Variants in SBNO2 observed in about 807,000 individuals in gnomAD.
SBNO2 encodes the protein strawberry notch homolog 2.
SBNO2 carries 89 observed loss-of-function variants against 146.3 expected under a neutral mutation model. The observed-to-expected ratio is 0.61, with a 90% confidence interval of 0.51 to 0.73. The LOEUF (loss-of-function observed/expected upper bound fraction) is 0.73. SBNO2 is among the 30% of genes least tolerant of loss of function. The pLI, the probability that SBNO2 is intolerant of heterozygous loss-of-function variation, is 0.00. For synonymous variants in SBNO2, 1,147 were observed against 892.6 expected (o/e 1.29, Z -5.08); for missense variants, 2,092 against 2,003.7 (o/e 1.04, Z -0.84).
chr19:1,108,681 C>T lies in SBNO2; in HGVS notation c.3640G>A (p.Val1214Met), dbSNP rs1281052040. The part of the protein sequence containing the change: ...QVGIKIPEGC[V>M]RRVLQELRLM... The stretch of plus-strand genomic sequence containing the variant: ...CGCAGCTCCTGCAGCACCCGGCGCA[C>T]GCAGCCCTCGGGGATCTTGATGCCT... The change falls in exon 32 of 32, where the codon GTG becomes ATG. Residue 1214 changes from valine (V) to methionine (M), a missense_variant. By Grantham distance (21) the Val-to-Met change is conservative. Coordinates refer to ENST00000361757, the MANE Select transcript of SBNO2 (RefSeq NM_014963.3). 11 of 1,536,832 alleles carry T rather than the reference C, an allele frequency of 7.2e-6. No homozygotes were observed. Among genetic ancestry groups the T allele is most frequent in the Non-Finnish European group, 8.7e-6 (10 of 1,149,976 alleles).
At chr19:1,168,813 G>A (rs1005992074) in intron 1 of SBNO2, 2 of 152,234 alleles carry the variant, frequency 1.3e-5, no homozygotes, top group African/African-American at 4.8e-5. Flanking sequence ...TCCCCAGCAA[G>A]TGAGTCAGTT....
rs1291500781 is a variant in SBNO2, at chr19:1,144,092, G to A, written c.279+3217C>T. 2.0e-5 allele frequency among the ~76,000 whole-genome samples: 3 copies of A among 152,132 alleles called. No individual in the cohort carries two copies. The highest frequency in any genetic ancestry group is 2.1e-4 in the South Asian group (1 of 4,824). ...CAGGTCTGGGCTCCTTCCTGGCTCC[G>A]CAGAACCACGCGGCCCAGCCCACAG... On this transcript the variant is annotated intron_variant, in intron 4 of 31. Coordinates refer to ENST00000361757, the MANE Select transcript of SBNO2 (RefSeq NM_014963.3). The surrounding 1 kb of genome is among the most constrained non-coding windows in gnomAD (Gnocchi z 4.1).
rs2079884213 is a variant in SBNO2, at chr19:1,120,214, A to G, written c.1150-191T>C. 5.1e-6 allele frequency: 3 copies of G among 592,630 alleles called. No homozygotes were observed. The Admixed American group carries it at 8.7e-5, about 17-fold the overall frequency. 36.7% of individuals were successfully genotyped at this position (592,630 alleles called of 1,614,324 possible). On this transcript the variant is annotated intron_variant, in intron 11 of 31. Transcript: ENST00000361757. The stretch of plus-strand genomic sequence containing the variant: ...GGGCGGGCGGGCAGGCGGCCCCCAC[A>G]CGACCATTAGATGGGTGTGGCCTGG...
At chr19:1,128,339 A>ATGGGGATGACACACACACACAC (rs1230214358) in intron 4 of SBNO2, 10 of 362,736 alleles carry the variant, frequency 2.8e-5, no homozygotes, top group East Asian at 1.6e-4. Context: ...GGGGCTCGCC[A>ATGGGGATGACACACACACACAC]TGGGGATGAC....
chr19:1,113,760 C>T (rs2079797275), intron 18 of SBNO2, 56 bp from the exon 19 acceptor site: 1 of 1,412,160 alleles, frequency 7.1e-7, no homozygotes, highest in Non-Finnish European at 9.2e-7. Context: ...CTAGGGCCCA[C>T]CTAACTCAAG....
rs1242101492 is a variant in SBNO2, at chr19:1,174,231, G to C, written c.-186C>G. On this transcript the variant is annotated 5_prime_UTR_variant, in exon 1 of 32. Coordinates refer to ENST00000361757, the MANE Select transcript of SBNO2 (RefSeq NM_014963.3). ...GGCGCCTGTTTCTCCGAGCCTCGCA[G>C]CTGCCGCCGCTCACTTCCGGGTTTC... 6.6e-6 allele frequency: 1 copy of C among 151,978 alleles called. No individual in the cohort carries two copies. The highest frequency in any genetic ancestry group is 1.5e-5 in the Non-Finnish European group (1 of 67,948). The allele number at this position is 151,978 out of a possible 1,614,324, so 9.4% of individuals were successfully genotyped here.
At chr19:1,111,388 TG>T (rs1568553735) in intron 24 of SBNO2, 117 bp downstream of exon 24, 4 of 770,452 alleles carry the variant, frequency 5.2e-6, no homozygotes, top group Non-Finnish European at 8.7e-6. Context: ...TGTCCGTGTG[TG>T]GGGAGGGGTC....
chr19:1,132,145 C>CT (rs756726912), intron 4 of SBNO2: 1 of 1,493,222 alleles, frequency 6.7e-7, no homozygotes, highest in South Asian at 1.3e-5. Flanking sequence ...GGTCCCGGCG[C>CT]TCGGGGGGCC....
At chr19:1,147,858 G>A (rs577214739) in intron 3 of SBNO2, among the ~76,000 whole-genome samples, 23 of 152,228 alleles carry the variant, frequency 1.5e-4, no homozygotes, top group African/African-American at 5.1e-4. Flanking sequence ...CAGGATCACC[G>A]TCCTCCAGGG....
At position 1,140,884 on chromosome 19, in the gene SBNO2, G is replaced by A. The variant is rs1392699460; in HGVS notation, c.279+6425C>T. 6.6e-6 allele frequency among the ~76,000 whole-genome samples: 1 copy of A among 152,142 alleles called. No individual in the cohort carries two copies. The highest frequency in any genetic ancestry group is 6.5e-5 in the Admixed American group (1 of 15,274). On this transcript the variant is annotated intron_variant, in intron 4 of 31. Coordinates refer to ENST00000361757, the MANE Select transcript of SBNO2 (RefSeq NM_014963.3). This position sits in a 1 kb window ranked among gnomAD's most constrained non-coding sequence, Gnocchi z 4.4. ...AGTTACCAGCATCAGCACAACACGCGCAACGCCAGGCACTCCGGTCCACGC... is the reference window on the plus strand; with the variant it reads ...AGTTACCAGCATCAGCACAACACGCACAACGCCAGGCACTCCGGTCCACGC...
intron 17 of SBNO2, 99 bp from the exon 18 acceptor site, chr19:1,114,521 C>A: frequency 2.0e-6 from 2 of 1,021,282 alleles, no homozygotes; most frequent in South Asian, 1.9e-5. Context: ...GTGGTCCGAG[C>A]TGGGGAGGTC....
Position 1,119,071 on chromosome 19 carries a change from G to A in SBNO2, c.1467C>T (p.Arg489=). The A allele has an allele frequency of 6.2e-7, 1 of 1,606,242 alleles. No homozygotes were observed. The highest frequency in any genetic ancestry group is 8.5e-7 in the Non-Finnish European group (1 of 1,177,406). ...RQLSFSGVTF[R]IEEIPLAPAF... ...CTGGGGCCAGCGGGATCTCCTCGAT[G>A]CGGAAGGTGACGCCGGAGAAGCTGA... Residue 489 remains arginine (R), a synonymous_variant, in exon 14 of 32, where the codon CGC becomes CGT. Coordinates refer to ENST00000361757, the MANE Select transcript of SBNO2 (RefSeq NM_014963.3).
chr19:1,161,158 TG>T (rs1427081075), intron 1 of SBNO2, among the ~76,000 whole-genome samples: 2 of 2,160 alleles, frequency 9.3e-4, no homozygotes, highest in African/African-American at 6.3e-3. Context: ...GTACTGGGGG[TG>T]GGGGTGGGGG....
At chr19:1,166,304 C>T (rs947507774) in intron 1 of SBNO2, among the ~76,000 whole-genome samples, 6 of 151,916 alleles carry the variant, frequency 3.9e-5, no homozygotes, top group African/African-American at 1.5e-4. Flanking sequence ...GACACAAATG[C>T]TTATGCGGAA....
chr19:1,131,992 C>G (rs1568594763), intron 4 of SBNO2: 2 of 875,280 alleles, frequency 2.3e-6, no homozygotes, highest in East Asian at 3.3e-5. Flanking sequence ...GATGAGATGC[C>G]GGCTGCTCCG....
At chr19:1,135,045 CAAAAAAAAAAAAA>C (rs201799961) in intron 4 of SBNO2, among the ~76,000 whole-genome samples, 4 of 51,238 alleles carry the variant, frequency 7.8e-5, no homozygotes, top group African/African-American at 3.2e-4. Flanking sequence ...GACTCTGTCT[CAAAAAAAAAAAAA>C]AAAAAAAAAA....
Position 1,126,771 on chromosome 19 carries a change from A to G in SBNO2, c.441+833T>C, listed in dbSNP as rs2079970342. ...GCGCTCAGTCCCAGAGACATGTCCA[A>G]CGTCTGCTCCCAAAGTCTAGAAGCT... On this transcript the variant is annotated intron_variant, in intron 5 of 31. Coordinates refer to ENST00000361757, the MANE Select transcript of SBNO2 (RefSeq NM_014963.3). This position sits in a 1 kb window ranked among gnomAD's most constrained non-coding sequence, Gnocchi z 4.4. Among the ~76,000 whole-genome samples, 1 of 152,188 alleles carries G rather than the reference A, an allele frequency of 6.6e-6. No individual in the cohort carries two copies. The highest frequency in any genetic ancestry group is 6.5e-5 in the Admixed American group (1 of 15,284).
chr19:1,113,108 C>T (rs1038915629), intron 19 of SBNO2, among the ~76,000 whole-genome samples, 159 bp from the exon 20 acceptor site: 2 of 152,176 alleles, frequency 1.3e-5, no homozygotes, highest in Non-Finnish European at 2.9e-5. Flanking sequence ...GACTGCTGGA[C>T]CCAGGCGATG....
rs1384810045 is a variant in SBNO2, at chr19:1,158,112, T to C, written c.-126-3710A>G. Among the ~76,000 whole-genome samples the C allele has an allele frequency of 2.0e-5, 3 of 152,214 alleles. No homozygotes were observed. Among genetic ancestry groups the C allele is most frequent in the Non-Finnish European group, 4.4e-5 (3 of 68,024 alleles). Reference sequence around the variant, plus strand: ...GAGCCTGCTGAAGTCCCCGTCTTCCTGGCTGGACGCCCCAGGGTCTCACCC... The same window carrying C: ...GAGCCTGCTGAAGTCCCCGTCTTCCCGGCTGGACGCCCCAGGGTCTCACCC... On this transcript the variant is annotated intron_variant, in intron 1 of 31. Transcript: ENST00000361757. This position sits in a 1 kb window ranked among gnomAD's most constrained non-coding sequence, Gnocchi z 9.9.
Sources: gnomAD v4.1 joint callset for allele counts (sites outside exome capture counted in the v4.1 genomes callset) on GRCh38, gnomAD v4.1.1 for gene constraint, Gnocchi (gnomAD v3.1) non-coding constraint, MANE v1.5 for transcripts, NCBI Gene and HGNC (gene_info 2026-07-23, HGNC 2026-07-21) for gene names.